Variants in DDC observed in about 807,000 individuals in gnomAD.
DDC encodes dopa decarboxylase.
DDC carries 43 observed loss-of-function variants against 60.0 expected under a neutral mutation model. That is an observed-to-expected ratio of 0.72 (90% confidence interval 0.56 to 0.92). The LOEUF (loss-of-function observed/expected upper bound fraction) is 0.92, where lower values mean the gene tolerates loss of function less well. Ranked by LOEUF, DDC falls within the 40% of genes least tolerant of loss-of-function variation. The pLI, the probability that DDC is intolerant of heterozygous loss-of-function variation, is 0.00. For synonymous variants in DDC, 232 were observed against 234.6 expected, an observed-to-expected ratio of 0.99 and a Z score of 0.10; for missense variants, 573 against 620.2, an observed-to-expected ratio of 0.92 and a Z score of 0.81.
chr7:50,558,265 TC>T, intron 1 of DDC, among the ~76,000 whole-genome samples: 1 of 152,348 alleles, frequency 6.6e-6, no homozygotes, highest in African/African-American at 2.4e-5. Context: ...CCATGACATG[TC>T]CTGGTTTACC....
At chr7:50,519,505 C>T (rs1403988094) in intron 6 of DDC, among the ~76,000 whole-genome samples, 1 of 152,138 alleles carries the variant, frequency 6.6e-6, no homozygotes, top group East Asian at 1.9e-4. Context: ...GCCCATCAAT[C>T]AACGAATAAA....
chr7:50,517,844 A>T (rs1261546964), intron 6 of DDC, among the ~76,000 whole-genome samples: 1 of 151,654 alleles, frequency 6.6e-6, no homozygotes, highest in African/African-American at 2.4e-5. Flanking sequence ...AAAAAAAAAA[A>T]AACCTTAGGA....
intron 10 of DDC, 133 bp downstream of exon 10, chr7:50,479,654 C>A (rs533518978): frequency 3.5e-6 from 3 of 857,110 alleles, no homozygotes; most frequent in Admixed American, 3.5e-5. Flanking sequence ...TCCAGGAATG[C>A]ACAGCACCCC....
intron 8 of DDC, 43 bp downstream of exon 8, chr7:50,499,105 G>C (rs1164574315): frequency 7.1e-7 from 1 of 1,418,222 alleles, no homozygotes; most frequent in Non-Finnish European, 1.0e-6. Context: ...CAATAACAGA[G>C]CACTGTGAAA....
intron 13 of DDC, among the ~76,000 whole-genome samples, chr7:50,465,967 C>T (rs2042386462): frequency 6.6e-6 from 1 of 152,186 alleles, no homozygotes; most frequent in African/African-American, 2.4e-5. Context: ...GCTCAAGTCT[C>T]CTCTCCTGCT....
chr7:50,533,677 A>C (rs2044293046), intron 4 of DDC, among the ~76,000 whole-genome samples: 1 of 152,208 alleles, frequency 6.6e-6, no homozygotes, highest in Non-Finnish European at 1.5e-5. Flanking sequence ...TATCGAAAGG[A>C]AGAGAGAAAT....
intron 11 of DDC, among the ~76,000 whole-genome samples, chr7:50,475,983 C>T (rs2042634578): frequency 6.6e-6 from 1 of 152,150 alleles, no homozygotes; most frequent in Non-Finnish European, 1.5e-5. Context: ...AGCCACAGCA[C>T]CTGGCCACAG....
intron 6 of DDC, among the ~76,000 whole-genome samples, chr7:50,509,762 T>C (rs187663913): frequency 2.0e-5 from 3 of 152,362 alleles, no homozygotes; most frequent in Admixed American, 2.0e-4. Context: ...TATTTTAACA[T>C]GACTTTTATG....
chr7:50,550,218 A>T (rs1449213442), intron 1 of DDC, among the ~76,000 whole-genome samples: 2 of 152,254 alleles, frequency 1.3e-5, no homozygotes, highest in Non-Finnish European at 2.9e-5. Flanking sequence ...GCAGCCATCG[A>T]CATGGAGGCA....
At chr7:50,476,724 G>T in intron 10 of DDC, 81 bp from the exon 11 acceptor site, 3 of 1,377,670 alleles carry the variant, frequency 2.2e-6, no homozygotes, top group Non-Finnish European at 2.0e-6. Context: ...TCATTTTCCA[G>T]GTAAATTTCT....
chr7:50,492,671 C>T, intron 9 of DDC: 1 of 1,308,072 alleles, frequency 7.6e-7, no homozygotes, highest in South Asian at 1.6e-5. Context: ...CGTTTAATTC[C>T]TTCTACAAGG....
intron 6 of DDC, among the ~76,000 whole-genome samples, chr7:50,522,144 A>C (rs1002284213): frequency 6.6e-6 from 1 of 151,992 alleles, no homozygotes; most frequent in African/African-American, 2.4e-5. Flanking sequence ...CCAGCAATTA[A>C]AAAAATGAAA....
chr7:50,477,493 C>A (rs4992502), intron 10 of DDC: 255,889 of 455,848 alleles, frequency 0.56, 72,621 homozygotes, highest in Admixed American at 0.64. Flanking sequence ...CCATAGCAGG[C>A]CCTGACCATG....
chr7:50,476,679 G>GT (rs1562987867), intron 10 of DDC, 36 bp from the exon 11 acceptor site: 1 of 1,590,110 alleles, frequency 6.3e-7, no homozygotes, highest in South Asian at 1.1e-5. Context: ...AAAAGAAATC[G>GT]TTAGACAGGT....
At chr7:50,520,203 A>G (rs188922574) in intron 6 of DDC, among the ~76,000 whole-genome samples, 2 of 152,350 alleles carry the variant, frequency 1.3e-5, no homozygotes, top group East Asian at 1.9e-4. Context: ...AAAATATTTC[A>G]TCCAATGACA....
intron 11 of DDC, among the ~76,000 whole-genome samples, chr7:50,474,544 G>C (rs139692685): frequency 1.9e-3 from 296 of 152,350 alleles, no homozygotes; most frequent in African/African-American, 6.7e-3. Context: ...GTACAGATCT[G>C]TGATTCTTGG....
rs193112820 is a variant in DDC, at chr7:50,506,901, G to A, written c.715-2842C>T. ...TCATGTCAAGCATCAATAATTCTCC[G>A]CATTTGTTTCATTTTGGCAAGATAA... On this transcript the variant is annotated intron_variant, in intron 6 of 14. Transcript: ENST00000444124. Among the ~76,000 whole-genome samples, 16 of 152,228 alleles carry A rather than the reference G, an allele frequency of 1.1e-4. No homozygotes were observed. In the South Asian group the frequency reaches 1.2e-3, roughly 12 times the overall value.
intron 6 of DDC, among the ~76,000 whole-genome samples, chr7:50,525,048 C>A (rs2044000818): frequency 6.6e-6 from 1 of 152,134 alleles, no homozygotes; most frequent in South Asian, 2.1e-4. Context: ...GGATGGATCT[C>A]AAGGCCATTA....
At chr7:50,508,136 A>C (rs753699502) in intron 6 of DDC, among the ~76,000 whole-genome samples, 2 of 152,188 alleles carry the variant, frequency 1.3e-5, no homozygotes, top group Non-Finnish European at 2.9e-5. Context: ...GGTAAGGAGG[A>C]GGCCTGGGGG....
Sources: allele counts gnomAD v4.1 joint callset (sites outside exome capture counted in the v4.1 genomes callset), GRCh38; gene constraint gnomAD v4.1.1; transcripts MANE v1.5; gene names NCBI Gene and HGNC (gene_info 2026-07-23, HGNC 2026-07-21).